KCNIP4: variants seen among roughly 807,000 people sequenced by gnomAD.
KCNIP4 encodes potassium voltage-gated channel interacting protein 4, also known as Kv channel-interacting protein 4.
In KCNIP4, 12 loss-of-function variants were observed where a neutral mutation model predicts 34.0. The observed-to-expected ratio is 0.35, with a 90% CI of 0.23 to 0.57. KCNIP4 has a LOEUF of 0.57. KCNIP4 is among the 20% of genes least tolerant of loss of function. The pLI is 0.83. For synonymous variants in KCNIP4, 124 were observed against 102.2 expected (o/e 1.21, Z -1.29); for missense variants, 238 against 311.7 (o/e 0.76, Z 1.78).
intron 1 of KCNIP4, among the ~76,000 whole-genome samples, chr4:21,221,416 G>A (rs1757972827): frequency 6.6e-6 from 1 of 152,092 alleles, no homozygotes; most frequent in African/African-American, 2.4e-5. Flanking sequence ...GGAGGCCTCA[G>A]GAAACTTACA....
chr4:21,047,462 C>G (rs1475474160), intron 1 of KCNIP4, among the ~76,000 whole-genome samples: 1 of 152,070 alleles, frequency 6.6e-6, no homozygotes, highest in Non-Finnish European at 1.5e-5. Flanking sequence ...TTGACACATC[C>G]TACAATAATG....
intron 1 of KCNIP4, among the ~76,000 whole-genome samples, chr4:21,795,547 CTAAG>C (rs1720568950): frequency 6.6e-6 from 1 of 152,116 alleles, no homozygotes; most frequent in African/African-American, 2.4e-5. Flanking sequence ...AAGGATTTGT[CTAAG>C]TAAGTGAAAA....
At chr4:21,288,581 T>C (rs1335814464) in intron 1 of KCNIP4, among the ~76,000 whole-genome samples, 1 of 152,178 alleles carries the variant, frequency 6.6e-6, no homozygotes, top group East Asian at 1.9e-4. Context: ...ATAAGATAAA[T>C]ACTATTATTA....
chr4:21,326,883 T>C (rs1162715040), intron 1 of KCNIP4, among the ~76,000 whole-genome samples: 1 of 152,008 alleles, frequency 6.6e-6, no homozygotes, highest in Non-Finnish European at 1.5e-5. Flanking sequence ...TAAACTGTTG[T>C]TAACACTGAT....
chr4:21,722,264 T>C (rs1368361215), intron 1 of KCNIP4, among the ~76,000 whole-genome samples: 2 of 152,028 alleles, frequency 1.3e-5, no homozygotes, highest in Non-Finnish European at 2.9e-5. Flanking sequence ...GGAAGAGAGG[T>C]ATGAAAACAA....
intron 1 of KCNIP4, among the ~76,000 whole-genome samples, chr4:21,199,200 G>A (rs539167515): frequency 9.8e-5 from 15 of 152,328 alleles, no homozygotes; most frequent in Admixed American, 7.8e-4. Flanking sequence ...CAGTGTAAAA[G>A]TGTTCCTATT....
chr4:20,829,445 G>A (rs1296365171), intron 3 of KCNIP4, among the ~76,000 whole-genome samples: 1 of 152,026 alleles, frequency 6.6e-6, no homozygotes, highest in Non-Finnish European at 1.5e-5. Flanking sequence ...CTGACCTTGT[G>A]ATCTGCCCGC....
chr4:21,903,771 T>C (rs943413726), intron 1 of KCNIP4, among the ~76,000 whole-genome samples: 2 of 152,270 alleles, frequency 1.3e-5, no homozygotes, highest in East Asian at 3.9e-4. Flanking sequence ...TAGGAAGTTA[T>C]GTAAATGTTT....
At chr4:20,975,891 G>A (rs969456908) in intron 1 of KCNIP4, among the ~76,000 whole-genome samples, 1 of 152,192 alleles carries the variant, frequency 6.6e-6, no homozygotes, top group South Asian at 2.1e-4. Context: ...TATGAAAATT[G>A]TATGGGATTC....
chr4:21,603,982 T>G (rs1266300842), intron 1 of KCNIP4, among the ~76,000 whole-genome samples: 2 of 152,108 alleles, frequency 1.3e-5, no homozygotes, highest in African/African-American at 4.8e-5. Context: ...GATTTTAAGT[T>G]GAAATTTTAG....
chr4:21,947,248 T>C (rs74717206), intron 1 of KCNIP4, among the ~76,000 whole-genome samples: 2 of 152,176 alleles, frequency 1.3e-5, no homozygotes, highest in African/African-American at 4.8e-5. Context: ...TCAGGAAACA[T>C]TTGATCTCTT....
chr4:21,183,188 CCT>C (rs1340187436), intron 1 of KCNIP4, among the ~76,000 whole-genome samples: 11 of 152,164 alleles, frequency 7.2e-5, no homozygotes, highest in African/African-American at 2.6e-4. Flanking sequence ...ACAGAATTTC[CCT>C]CTTTTTAAAA....
intron 1 of KCNIP4, among the ~76,000 whole-genome samples, chr4:21,291,462 A>G (rs1241371128): frequency 6.6e-6 from 1 of 152,202 alleles, no homozygotes; most frequent in Admixed American, 6.5e-5. Flanking sequence ...AATTAGGTCT[A>G]TGACAACTAG....
intron 1 of KCNIP4, among the ~76,000 whole-genome samples, chr4:21,381,353 T>C (rs971871256): frequency 6.6e-6 from 1 of 152,180 alleles, no homozygotes; most frequent in African/African-American, 2.4e-5. Context: ...GATAGTAGAT[T>C]TGTAATGATT....
intron 1 of KCNIP4, among the ~76,000 whole-genome samples, chr4:21,573,186 G>T (rs1040828532): frequency 6.6e-6 from 1 of 152,132 alleles, no homozygotes; most frequent in Non-Finnish European, 1.5e-5. Flanking sequence ...AAGAGGTAGT[G>T]ATACTCATAC....
chr4:21,304,239 G>A (rs1292662911), intron 1 of KCNIP4, among the ~76,000 whole-genome samples: 1 of 152,198 alleles, frequency 6.6e-6, no homozygotes, highest in African/African-American at 2.4e-5. Context: ...AGAAGTAGCA[G>A]CCGGATAAAG....
chr4:20,900,428 C>T (rs1473689160), intron 1 of KCNIP4, among the ~76,000 whole-genome samples: 1 of 152,186 alleles, frequency 6.6e-6, no homozygotes, highest in Non-Finnish European at 1.5e-5. Context: ...CCCAGCATCA[C>T]GCACAAGGCC....
intron 1 of KCNIP4, among the ~76,000 whole-genome samples, chr4:21,771,626 T>C (rs13132543): frequency 6.6e-6 from 1 of 152,154 alleles, no homozygotes; most frequent in Non-Finnish European, 1.5e-5. Flanking sequence ...CCTTGAGCAG[T>C]GATCTGTAGT....
intron 1 of KCNIP4, among the ~76,000 whole-genome samples, chr4:21,907,238 C>T (rs1427198138): frequency 3.9e-5 from 6 of 152,086 alleles, no homozygotes; most frequent in African/African-American, 1.2e-4. Context: ...AATGAGTTCT[C>T]GCTCTTGCAG....
Sources: allele counts gnomAD v4.1 joint callset (sites outside exome capture counted in the v4.1 genomes callset), GRCh38; gene constraint gnomAD v4.1.1; transcripts MANE v1.5; gene names NCBI Gene and HGNC (gene_info 2026-07-23, HGNC 2026-07-21).